LAMA5: variants seen among roughly 807,000 people sequenced by gnomAD.
LAMA5 encodes laminin subunit alpha 5, also known as laminin subunit alpha-5.
In LAMA5, 260 loss-of-function variants were observed where a neutral mutation model predicts 433.4. The ratio of observed to expected loss-of-function variants is 0.60; its 90% CI spans 0.54 to 0.66. The LOEUF (loss-of-function observed/expected upper bound fraction) is 0.66, where lower values mean the gene tolerates loss of function less well. Ranked by LOEUF, LAMA5 falls within the 30% of genes least tolerant of loss-of-function variation. The pLI is 0.00. For synonymous variants in LAMA5, 2,620 were observed against 2,226.6 expected, an observed-to-expected ratio of 1.18 and a Z score of -4.97; for missense variants, 5,378 against 5,258.5, an observed-to-expected ratio of 1.02 and a Z score of -0.70.
intron 11 of LAMA5, 59 bp from the exon 12 acceptor site, chr20:62,338,667 T>C: frequency 6.6e-7 from 1 of 1,514,166 alleles, no homozygotes; most frequent in East Asian, 2.3e-5. Flanking sequence ...AGTACGCCCC[T>C]CCTGGCAAAC....
chr20:62,328,577 G>C (rs1247820010), intron 34 of LAMA5, 132 bp from the exon 35 acceptor site: 1 of 993,252 alleles, frequency 1.0e-6, no homozygotes, highest in Admixed American at 3.0e-5. Context: ...CCCTGCCCCG[G>C]GTGCTGAGCC....
intron 21 of LAMA5, 82 bp from the exon 22 acceptor site, chr20:62,334,424 T>G: frequency 1.3e-6 from 2 of 1,515,844 alleles, no homozygotes; most frequent in Non-Finnish European, 1.8e-6. Context: ...CCAGGGAGGG[T>G]GAGGCCTCAC....
Position 62,317,450 on chromosome 20 carries a change from A to G in LAMA5, c.7406T>C (p.Leu2469Pro), listed in dbSNP as rs1987072900. Residue 2469 changes from leucine to proline, a missense_variant, in exon 55 of 80, where the codon CTG (leucine) becomes CCG (proline). Physicochemically the swap from Leu to Pro is moderately conservative, Grantham distance 98 (BLOSUM62 -3). Coordinates refer to ENST00000252999, the MANE Select transcript of LAMA5 (RefSeq NM_005560.6). ...CGGGGAGAAGGTCTGCATCCTCTGCAGCAGTGGGGTCCGAGCCCCATCCAG... is the reference window on the plus strand; with the variant it reads ...CGGGGAGAAGGTCTGCATCCTCTGCGGCAGTGGGGTCCGAGCCCCATCCAG... ...ASLDGARTPL[L>P]QRMQTFSPAG... The G allele has an allele frequency of 7.5e-6, 12 of 1,592,648 alleles. No individual in the cohort carries two copies. The highest frequency in any genetic ancestry group is 9.4e-6 in the Non-Finnish European group (11 of 1,167,704).
chr20:62,353,547 A>C (rs915729380), intron 2 of LAMA5, among the ~76,000 whole-genome samples: 2 of 152,134 alleles, frequency 1.3e-5, no homozygotes, highest in Non-Finnish European at 2.9e-5. Flanking sequence ...GGGTTCCCCC[A>C]TGGTCCTGCA....
chr20:62,365,860 C>A (rs1238095736), intron 1 of LAMA5, among the ~76,000 whole-genome samples: 1 of 152,190 alleles, frequency 6.6e-6, no homozygotes, highest in South Asian at 2.1e-4. Flanking sequence ...AGCCCAGAAG[C>A]CTGGGGAGGC....
Position 62,367,279 on chromosome 20 carries a change from G to C in LAMA5, c.-34C>G. Reference sequence around the variant, plus strand: ...CTCCGGGCCGCGTCCCCGAGCTCCAGGGACAGCGCGCGCGGCGGGAGCCCG... The same window carrying C: ...CTCCGGGCCGCGTCCCCGAGCTCCACGGACAGCGCGCGCGGCGGGAGCCCG... On this transcript the variant is annotated 5_prime_UTR_variant, in exon 1 of 80. Transcript: ENST00000252999. 8.7e-7 allele frequency: 1 copy of C among 1,143,994 alleles called. No individual in the cohort carries two copies. Among genetic ancestry groups the C allele is most frequent in the Non-Finnish European group, 1.1e-6 (1 of 932,266 alleles). 70.9% of individuals were successfully genotyped at this position (1,143,994 alleles called of 1,614,324 possible). A position where few individuals can be genotyped will look rare whatever the true frequency, so the allele number is the denominator to read the frequency against.
At position 62,312,448 on chromosome 20, in the gene LAMA5, CT is replaced by C; in HGVS notation, c.9311del (p.Lys3104SerfsTer3). 6.3e-7 allele frequency: 1 copy of C among 1,598,240 alleles called. No individual in the cohort carries two copies. The stretch of plus-strand genomic sequence containing the variant: ...CGCTCACGCCTGTCGTGTTCAGCCG[CT>C]TGAGGTCCACATACTTGCCCAGGGC... ...IKALGKYVDL[K>X]RLNTTGVSAG... On this transcript the variant is annotated frameshift_variant, in exon 68 of 80. Coordinates refer to ENST00000252999, the MANE Select transcript of LAMA5 (RefSeq NM_005560.6). LOFTEE classifies it high-confidence loss of function.
chr20:62,344,375 A>G (rs930112017), intron 11 of LAMA5, among the ~76,000 whole-genome samples: 8 of 152,118 alleles, frequency 5.3e-5, no homozygotes, highest in African/African-American at 1.9e-4. Flanking sequence ...CAAGAGTGAT[A>G]GACTGCTATG....
chr20:62,333,092 C>A lies in LAMA5; in HGVS notation c.3280G>T (p.Asp1094Tyr). The A allele has an allele frequency of 6.7e-7, 1 of 1,503,700 alleles. No homozygotes were observed. Among genetic ancestry groups the A allele is most frequent in the Non-Finnish European group, 8.9e-7 (1 of 1,128,922 alleles). The allele number at this position is 1,503,700 out of a possible 1,614,324, so 93.1% of individuals were successfully genotyped here. A position where few individuals can be genotyped will look rare whatever the true frequency, so the allele number is the denominator to read the frequency against. Residue 1094 changes from aspartate (D) to tyrosine (Y), a missense_variant and splice_region_variant, in exon 26 of 80, where the codon GAT (aspartate) becomes TAT (tyrosine). Coordinates refer to ENST00000252999, the MANE Select transcript of LAMA5 (RefSeq NM_005560.6). Reference protein sequence around the residue: ...HPPLITCTGSDVDVQLQVAVP... With the variant: ...HPPLITCTGSYVDVQLQVAVP... Reference sequence around the variant, plus strand: ...CCGTGGGGTCCCAGGACACGCACATCACTGCCCGTGCAGGTGATCAGTGGC... The same window carrying A: ...CCGTGGGGTCCCAGGACACGCACATAACTGCCCGTGCAGGTGATCAGTGGC...
In LAMA5 at chr20:62,333,356, C is replaced by G. The variant is rs1459206509; in HGVS notation, c.3128+19G>C. On this transcript the variant is annotated intron_variant, in intron 25 of 79. Coordinates refer to ENST00000252999, the MANE Select transcript of LAMA5 (RefSeq NM_005560.6). ...CCAGGAAGCCCCCACCCCGGTCCCA[C>G]CGCACGCATGGCCCTCACTTGTCGC... 2 of 1,611,556 alleles carry G rather than the reference C, an allele frequency of 1.2e-6. No individual in the cohort carries two copies. The highest frequency in any genetic ancestry group is 1.1e-5 in the South Asian group (1 of 91,032).
chr20:62,327,917 C>T lies in LAMA5; in HGVS notation c.4746G>A (p.Ala1582=), dbSNP rs745841644. 44 of 1,612,206 alleles carry T rather than the reference C, an allele frequency of 2.7e-5. No individual in the cohort carries two copies. The highest frequency in any genetic ancestry group is 2.2e-5 in the South Asian group (2 of 91,046). ...GGTCACACACGCCAGGCGCAGTGCC[C>T]GCCTCGTGACAGTCACAGGGGCGGC... The part of the protein sequence containing the change: ...PRCRPCDCHE[A]GTAPGVCDPL... Residue 1582 remains alanine, a synonymous_variant, in exon 36 of 80, where the codon GCG becomes GCA. Coordinates refer to ENST00000252999, the MANE Select transcript of LAMA5 (RefSeq NM_005560.6).
rs374708239 is a variant in LAMA5, at chr20:62,320,730, G to A, written c.6648+9C>T. 3.2e-5 allele frequency: 51 copies of A among 1,612,566 alleles called. 1 individual carries two copies. In the South Asian group the frequency reaches 4.3e-4, roughly 14 times the overall value. On this transcript the variant is annotated intron_variant, in intron 49 of 79. Transcript: ENST00000252999. ...CGGGTTGGGGAGGGAAGGCCAGGAC[G>A]CTCAGTACCTGCAGGTCAGCGATGG...
chr20:62,320,901 T>TGTGGGGTCACAGGTCAGTGTC lies in LAMA5; in HGVS notation c.6497-32_6497-12dup, dbSNP rs764167648. ...CACAGTGGTCACACACTGCAGGCGA[T>TGTGGGGTCACAGGTCAGTGTC]GTGGGGTCACAGGTCAGTGTCATTG... On this transcript the variant is annotated splice_polypyrimidine_tract_variant and intron_variant, in intron 48 of 79. Coordinates refer to ENST00000252999, the MANE Select transcript of LAMA5 (RefSeq NM_005560.6). The TGTGGGGTCACAGGTCAGTGTC allele has an allele frequency of 2.5e-6, 4 of 1,601,622 alleles. No individual in the cohort carries two copies. The African/African-American group carries it at 5.4e-5, about 22-fold the overall frequency.
In LAMA5 at chr20:62,329,386, C is replaced by CTG. The variant is rs1335274518; in HGVS notation, c.4120-134_4120-133insCA. ...AGCAGCAGCCCAGCCCAGCCCAGCC[C>CTG]AGCCCTGGGCCCTGGCTGCTCAGGG... On this transcript the variant is annotated intron_variant, in intron 32 of 79. Transcript: ENST00000252999. The CTG allele has an allele frequency of 6.2e-5, 41 of 658,858 alleles. 1 individual carries two copies. The highest frequency in any genetic ancestry group is 6.1e-4 in the Admixed American group (21 of 34,168). The allele number at this position is 658,858 out of a possible 1,614,324, so 40.8% of individuals were successfully genotyped here. A position where few individuals can be genotyped will look rare whatever the true frequency, so the allele number is the denominator to read the frequency against.
At chr20:62,314,244 T>C (rs1243282491) in intron 62 of LAMA5, 60 bp downstream of exon 62, 27 of 1,567,372 alleles carry the variant, frequency 1.7e-5, no homozygotes, top group Non-Finnish European at 2.3e-5. Context: ...AGGGGAGAGA[T>C]GGCGAACGGG....
At position 62,318,579 on chromosome 20, in the gene LAMA5, C is replaced by G. The variant is rs111653839; in HGVS notation, c.7114G>C (p.Asp2372His). The G allele has an allele frequency of 1.9e-6, 3 of 1,610,636 alleles. No individual in the cohort carries two copies. Among genetic ancestry groups the G allele is most frequent in the Non-Finnish European group, 2.5e-6 (3 of 1,179,054 alleles). The change falls in exon 53 of 80, where the codon GAC becomes CAC. Residue 2372 changes from aspartate (D) to histidine (H), a missense_variant. Transcript: ENST00000252999. ...CCGGCCTCGTGCTGGGCCAGCCGGT[C>G]GCGGGTTTGTGTGGCCAGTGCCTGG... The part of the protein sequence containing the change: ...ENQALATQTR[D>H]RLAQHEAGLM...
In LAMA5 at chr20:62,331,027, A is replaced by G; in HGVS notation, c.3650+5T>C. The G allele has an allele frequency of 1.3e-6, 2 of 1,594,996 alleles. No individual in the cohort carries two copies. The highest frequency in any genetic ancestry group is 1.7e-6 in the Non-Finnish European group (2 of 1,172,150). On this transcript the variant is annotated splice_donor_5th_base_variant and intron_variant, in intron 29 of 79. Coordinates refer to ENST00000252999, the MANE Select transcript of LAMA5 (RefSeq NM_005560.6). ...GCCCCTCCCAGCCCCATTACCTGCC[A>G]TTACCTGTTGGGGCCAAAGGCGCCG...
chr20:62,329,435 A>G (rs1979937174), intron 32 of LAMA5, among the ~76,000 whole-genome samples, 182 bp from the exon 33 acceptor site: 1 of 152,142 alleles, frequency 6.6e-6, no homozygotes, highest in Non-Finnish European at 1.5e-5. Flanking sequence ...GCCAAACAGC[A>G]GCTTTCGGGG....
intron 1 of LAMA5, among the ~76,000 whole-genome samples, chr20:62,365,792 T>C (rs995665401): frequency 6.6e-6 from 1 of 152,086 alleles, no homozygotes; most frequent in Non-Finnish European, 1.5e-5. Context: ...CCATCTGAAG[T>C]GTGGGCTTGA....
Sources: allele counts gnomAD v4.1 joint callset (sites outside exome capture counted in the v4.1 genomes callset), GRCh38; gene constraint gnomAD v4.1.1; transcripts MANE v1.5; gene names NCBI Gene and HGNC (gene_info 2026-07-23, HGNC 2026-07-21).